The following ANKRD11 variants were observed in gnomAD, a reference collection of about 807,000 sequenced individuals.
ANKRD11 encodes ankyrin repeat domain-containing protein 11.
ANKRD11 carries 17 observed loss-of-function variants against 195.7 expected under a neutral mutation model. The observed-to-expected ratio is 0.09, with a 90% CI of 0.06 to 0.13. The LOEUF is 0.13. Ranked by LOEUF, ANKRD11 falls within the 10% of genes least tolerant of loss-of-function variation. The pLI, the probability that ANKRD11 is intolerant of heterozygous loss-of-function variation, is 1.00. For synonymous variants in ANKRD11, 1,953 were observed against 1,528.1 expected (o/e 1.28, Z -6.49); for missense variants, 3,735 against 3,566.1 (o/e 1.05, Z -1.21).
intron 4 of ANKRD11, chr16:89,304,989 C>T: frequency 1.5e-6 from 1 of 669,760 alleles, no homozygotes; most frequent in Non-Finnish European, 2.5e-6. Flanking sequence ...AAGAGTGAAG[C>T]TCTCCAATCG....
chr16:89,312,653 C>T (rs550046897), intron 3 of ANKRD11, among the ~76,000 whole-genome samples: 12 of 152,288 alleles, frequency 7.9e-5, no homozygotes, highest in Admixed American at 1.3e-4. Flanking sequence ...GGGCCCACAG[C>T]GGTCTCAGGG....
At chr16:89,360,170 T>C (rs532546088) in intron 2 of ANKRD11, among the ~76,000 whole-genome samples, 1 of 152,344 alleles carries the variant, frequency 6.6e-6, no homozygotes, top group Non-Finnish European at 1.5e-5. Context: ...TGGTTTTCTG[T>C]TCCTGAGTTA....
chr16:89,447,730 C>A (rs951582304), intron 1 of ANKRD11, among the ~76,000 whole-genome samples: 1 of 152,250 alleles, frequency 6.6e-6, no homozygotes, highest in East Asian at 1.9e-4. Context: ...AGCCACCGCG[C>A]CTGGCCCAAC....
At chr16:89,445,083 G>A (rs1171902924) in intron 1 of ANKRD11, among the ~76,000 whole-genome samples, 1 of 152,194 alleles carries the variant, frequency 6.6e-6, no homozygotes, top group Non-Finnish European at 1.5e-5. Flanking sequence ...CTTGGGTGAG[G>A]GTGCCCAGGC....
At chr16:89,433,802 C>T (rs948522750) in intron 1 of ANKRD11, among the ~76,000 whole-genome samples, 5 of 152,150 alleles carry the variant, frequency 3.3e-5, no homozygotes, top group Non-Finnish European at 7.3e-5. Context: ...CGGGCTTGGA[C>T]GCGGGGACTG....
chr16:89,274,602 G>C, intron 11 of ANKRD11: 1 of 688,062 alleles, frequency 1.5e-6, no homozygotes, highest in African/African-American at 1.8e-5. Flanking sequence ...GGCCTTGCCC[G>C]TGCGGGGAGC....
intron 6 of ANKRD11, 62 bp downstream of exon 6, chr16:89,290,563 A>AGCGGGGGAGG (rs2034994591): frequency 6.3e-7 from 1 of 1,581,592 alleles, no homozygotes; most frequent in Non-Finnish European, 8.6e-7. Flanking sequence ...TCAGGACTCC[A>AGCGGGGGAGG]CTGGGGGAGG....
At chr16:89,475,899 A>C (rs1208425978) in intron 1 of ANKRD11, among the ~76,000 whole-genome samples, 1 of 152,020 alleles carries the variant, frequency 6.6e-6, no homozygotes, top group Non-Finnish European at 1.5e-5. Flanking sequence ...AAAAAATTTA[A>C]AAATTAACCA....
intron 2 of ANKRD11, among the ~76,000 whole-genome samples, chr16:89,338,702 G>A (rs1177227393): frequency 8.5e-6 from 1 of 117,136 alleles, no homozygotes; most frequent in Non-Finnish European, 1.6e-5. Context: ...TCCAGCCTGG[G>A]CAGCAAAGAG....
intron 3 of ANKRD11, chr16:89,313,340 G>A (rs2151906197): frequency 7.8e-7 from 1 of 1,287,366 alleles, no homozygotes; most frequent in Middle Eastern, 3.2e-4. Flanking sequence ...CACACTCAAC[G>A]ATGCAGACAC....
At chr16:89,462,050 CTCTCCCTCTCCCTCT>C (rs2056692038) in intron 1 of ANKRD11, among the ~76,000 whole-genome samples, 1 of 37,892 alleles carries the variant, frequency 2.6e-5, no homozygotes, top group Non-Finnish European at 7.3e-5. Flanking sequence ...CCCTCTCCCC[CTCTCCCTCTCCCTCT>C]CTCCCTCTCC....
At chr16:89,297,298 T>C (rs1312525252) in intron 4 of ANKRD11, among the ~76,000 whole-genome samples, 1 of 152,200 alleles carries the variant, frequency 6.6e-6, no homozygotes, top group Non-Finnish European at 1.5e-5. Flanking sequence ...TCAAAATACA[T>C]TCTTGATTCT....
intron 2 of ANKRD11, among the ~76,000 whole-genome samples, chr16:89,417,529 A>T (rs956356421): frequency 6.6e-6 from 1 of 152,150 alleles, no homozygotes; most frequent in Non-Finnish European, 1.5e-5. Flanking sequence ...CCTCTCAAAA[A>T]ACATGCCAGT....
chr16:89,388,563 G>T (rs2041031096), intron 2 of ANKRD11, among the ~76,000 whole-genome samples: 1 of 152,122 alleles, frequency 6.6e-6, no homozygotes, highest in Non-Finnish European at 1.5e-5. Flanking sequence ...AAGCCTGAAT[G>T]CTGCATGTGT....
chr16:89,373,217 G>T lies in ANKRD11; in HGVS notation c.-60+45067C>A, dbSNP rs76499853. On this transcript the variant is annotated intron_variant, in intron 2 of 12. Transcript: ENST00000301030. The stretch of plus-strand genomic sequence containing the variant: ...AAAACTAAGACGTTTACCCAAGATT[G>T]TGAAGCAATTTAATAGCTGAACTTG... 8.5e-5 allele frequency: 13 copies of T among 152,380 alleles called. No homozygotes were observed. The East Asian group carries it at 2.5e-3, about 29-fold the overall frequency. The allele number at this position is 152,380 out of a possible 1,614,324, so 9.4% of individuals were successfully genotyped here.
chr16:89,449,033 A>T (rs1379311095), intron 1 of ANKRD11, among the ~76,000 whole-genome samples: 1 of 152,202 alleles, frequency 6.6e-6, no homozygotes. Flanking sequence ...CACATGAAAA[A>T]GAAAATGCAA....
At chr16:89,393,692 G>T (rs774660375) in intron 2 of ANKRD11, among the ~76,000 whole-genome samples, 5 of 151,898 alleles carry the variant, frequency 3.3e-5, no homozygotes, top group Admixed American at 6.6e-5. Flanking sequence ...GATTTGTAAG[G>T]GTTAGAAGGG....
intron 2 of ANKRD11, among the ~76,000 whole-genome samples, chr16:89,376,002 C>T (rs1348751291): frequency 6.6e-6 from 1 of 152,152 alleles, no homozygotes; most frequent in Non-Finnish European, 1.5e-5. Context: ...TCGATAAATC[C>T]AGCAGAAGGG....
chr16:89,275,739 C>G (rs1006605815), intron 9 of ANKRD11, among the ~76,000 whole-genome samples: 2 of 152,164 alleles, frequency 1.3e-5, no homozygotes, highest in Non-Finnish European at 2.9e-5. Context: ...GGGCCGGAAG[C>G]GCAGGCACTG....
Sources: allele counts gnomAD v4.1 joint callset (sites outside exome capture counted in the v4.1 genomes callset), GRCh38; gene constraint gnomAD v4.1.1; transcripts MANE v1.5; gene names NCBI Gene and HGNC (gene_info 2026-07-23, HGNC 2026-07-21).